SIK3: variants seen among roughly 807,000 people sequenced by gnomAD.
SIK3 encodes serine/threonine-protein kinase SIK3.
A neutral mutation model predicts 144.2 loss-of-function variants in SIK3; 28 were observed. That is an observed-to-expected ratio of 0.19 (90% CI 0.14 to 0.27). SIK3 has a LOEUF of 0.27. Among genes scored for constraint, SIK3 ranks in the 10% least tolerant of loss-of-function variants. The probability of loss-of-function intolerance (pLI) is 1.00; values close to 1 mark genes in which losing one functional copy is unlikely to be tolerated. For missense variants in SIK3, 1,319 were observed against 1,776.0 expected, an observed-to-expected ratio of 0.74 and a Z score of 4.62; for synonymous variants, 686 against 676.3, an observed-to-expected ratio of 1.01 and a Z score of -0.22.
At chr11:116,954,983 A>C (rs1007506721) in intron 2 of SIK3, among the ~76,000 whole-genome samples, 1 of 152,244 alleles carries the variant, frequency 6.6e-6, no homozygotes, top group Non-Finnish European at 1.5e-5. Flanking sequence ...GAAAAGGTGA[A>C]GATAATTCTA....
chr11:117,067,503 T>C (rs775075331), intron 1 of SIK3, among the ~76,000 whole-genome samples: 1 of 152,162 alleles, frequency 6.6e-6, no homozygotes, highest in Non-Finnish European at 1.5e-5. Context: ...ATCAGTGGTT[T>C]TCTGGAAGTG....
chr11:117,058,755 G>A (rs1052149771), intron 1 of SIK3, among the ~76,000 whole-genome samples: 6 of 152,118 alleles, frequency 3.9e-5, no homozygotes, highest in Admixed American at 2.0e-4. Flanking sequence ...AACTACTAAA[G>A]AGAATAATAA....
chr11:117,010,057 A>C (rs1432616866), intron 1 of SIK3, among the ~76,000 whole-genome samples: 2 of 152,046 alleles, frequency 1.3e-5, no homozygotes, highest in African/African-American at 4.8e-5. Flanking sequence ...CATGGAGAAA[A>C]GGGTCACATG....
At chr11:116,924,051 G>A (rs1379700765) in intron 4 of SIK3, among the ~76,000 whole-genome samples, 1 of 152,148 alleles carries the variant, frequency 6.6e-6, no homozygotes, top group Non-Finnish European at 1.5e-5. Flanking sequence ...GGAGGCTGAG[G>A]CGGGTGGATC....
At chr11:117,037,768 G>T (rs1278313594) in intron 1 of SIK3, among the ~76,000 whole-genome samples, 1 of 150,170 alleles carries the variant, frequency 6.7e-6, no homozygotes, top group Non-Finnish European at 1.5e-5. Context: ...GAAAAAAAGA[G>T]ATGATAATCC....
intron 1 of SIK3, among the ~76,000 whole-genome samples, chr11:117,059,189 A>G (rs1380948129): frequency 6.6e-6 from 1 of 152,228 alleles, no homozygotes; most frequent in African/African-American, 2.4e-5. Flanking sequence ...AAGTGGAAGA[A>G]CAGATAGCTG....
At chr11:116,877,135 C>G in intron 6 of SIK3, 93 bp from the exon 7 acceptor site, 1 of 1,005,238 alleles carries the variant, frequency 9.9e-7, no homozygotes, top group South Asian at 1.3e-5. Context: ...GGGAGGCTAT[C>G]CAACTCCCTG....
At chr11:117,087,446 A>G (rs1955065599) in intron 1 of SIK3, among the ~76,000 whole-genome samples, 1 of 152,044 alleles carries the variant, frequency 6.6e-6, no homozygotes, top group Non-Finnish European at 1.5e-5. Flanking sequence ...CTGCCTCAAA[A>G]AAAGGTTAGA....
At position 116,868,084 on chromosome 11, in the gene SIK3, A is replaced by C. The variant is rs917224879; in HGVS notation, c.1814T>G (p.Leu605Trp). The C allele has an allele frequency of 1.3e-6, 2 of 1,550,638 alleles. No individual in the cohort carries two copies. The highest frequency in any genetic ancestry group is 1.7e-6 in the Non-Finnish European group (2 of 1,147,002). The change falls in exon 15 of 25, where the codon TTG (leucine) becomes TGG (tryptophan). Residue 605 changes from leucine (L) to tryptophan (W), a missense_variant. By Grantham distance (61) the Leu-to-Trp change is moderately conservative (BLOSUM62 -2). Around this residue, in one of 8 missense-constraint regions of SIK3, gnomAD observed 167 missense variants for 263.3 expected, o/e 0.63. Transcript: ENST00000445177. Reference protein sequence around the residue: ...EPDQEAVQRYLANRSKRHTLA... With the variant: ...EPDQEAVQRYWANRSKRHTLA... ...TGTATGTCTTTTGGACCTATTTGCC[A>C]AGTACCTGCAACAAGCAGGAGCACA... is the stretch of plus-strand genomic sequence containing the variant.
chr11:116,905,313 T>C (rs762974300), intron 4 of SIK3, among the ~76,000 whole-genome samples: 1 of 152,260 alleles, frequency 6.6e-6, no homozygotes, highest in Admixed American at 6.5e-5. Context: ...CTGAATAACA[T>C]CCATGGTATG....
At chr11:117,032,351 T>C (rs1355299981) in intron 1 of SIK3, among the ~76,000 whole-genome samples, 2 of 152,236 alleles carry the variant, frequency 1.3e-5, no homozygotes, top group Non-Finnish European at 2.9e-5. Context: ...CATTTTGCAG[T>C]TTTCAGTATA....
Position 116,846,606 on chromosome 11 carries a change from G to C in SIK3, c.3953-53C>G. 6.2e-7 allele frequency: 1 copy of C among 1,603,090 alleles called. No homozygotes were observed. The highest frequency in any genetic ancestry group is 1.1e-5 in the South Asian group (1 of 90,266). On this transcript the variant is annotated intron_variant, in intron 23 of 24. Coordinates refer to ENST00000445177, the MANE Select transcript of SIK3 (RefSeq NM_001366686.3). This position sits in a 1 kb window ranked among gnomAD's most constrained non-coding sequence, Gnocchi z 4.1. ...TTGGCAGGGAACTGGGGGACTAGGAGAGCAAGGGGGAGAGAGAGGAGGAAT... is the reference window on the plus strand; with the variant it reads ...TTGGCAGGGAACTGGGGGACTAGGACAGCAAGGGGGAGAGAGAGGAGGAAT...
chr11:116,948,746 T>A (rs1156363951), intron 3 of SIK3, among the ~76,000 whole-genome samples: 3 of 152,216 alleles, frequency 2.0e-5, no homozygotes, highest in African/African-American at 7.2e-5. Flanking sequence ...TATCCTCTAT[T>A]GTTTTTCTAT....
At chr11:117,013,915 G>GGGTGTGT (rs1206309055) in intron 1 of SIK3, among the ~76,000 whole-genome samples, 1 of 23,618 alleles carries the variant, frequency 4.2e-5, no homozygotes, top group African/African-American at 8.7e-5. Context: ...GGGGGGGGAG[G>GGGTGTGT]GTGTGTGTGT....
intron 6 of SIK3, among the ~76,000 whole-genome samples, chr11:116,877,983 G>T (rs997621897): frequency 6.6e-6 from 1 of 152,156 alleles, no homozygotes; most frequent in Non-Finnish European, 1.5e-5. Flanking sequence ...GCACAGGGAG[G>T]TAAAGAAACT....
At chr11:116,972,262 A>G (rs568251809) in intron 1 of SIK3, among the ~76,000 whole-genome samples, 1 of 152,306 alleles carries the variant, frequency 6.6e-6, no homozygotes, top group South Asian at 2.1e-4. Flanking sequence ...TCGAAGCCAG[A>G]CAGTCGAGCT....
In SIK3 at chr11:116,876,026, G is replaced by A; in HGVS notation, c.1096-17C>T. The A allele has an allele frequency of 6.2e-7, 1 of 1,613,136 alleles. No homozygotes were observed. Among genetic ancestry groups the A allele is most frequent in the Non-Finnish European group, 8.5e-7 (1 of 1,179,828 alleles). On this transcript the variant is annotated splice_polypyrimidine_tract_variant and intron_variant, in intron 8 of 24. Coordinates refer to ENST00000445177, the MANE Select transcript of SIK3 (RefSeq NM_001366686.3). ...TCTTAATGACTACCAAGAGAGAAGG[G>A]AAAAGAGTACAAAACCCTGGTGAAA...
chr11:116,949,566 T>C (rs1255259615), intron 3 of SIK3, among the ~76,000 whole-genome samples: 1 of 152,218 alleles, frequency 6.6e-6, no homozygotes, highest in Non-Finnish European at 1.5e-5. Flanking sequence ...TATGCTGACC[T>C]CCAACTCCTA....
Position 117,096,223 on chromosome 11 carries a change from G to A in SIK3, c.273+1920C>T, listed in dbSNP as rs77999065. ...TTTACGAAAACATTCAACCCTGTCTGTAACAGATTTTATCAATATTTTGGT... is the reference window on the plus strand; with the variant it reads ...TTTACGAAAACATTCAACCCTGTCTATAACAGATTTTATCAATATTTTGGT... On this transcript the variant is annotated intron_variant, in intron 1 of 24. Transcript: ENST00000445177. Among the ~76,000 whole-genome samples, 1,038 of 152,252 alleles carry A rather than the reference G, an allele frequency of 6.8e-3. 12 individuals are homozygous for A. The highest frequency in any genetic ancestry group is 0.024 in the African/African-American group (982 of 41,544).
Sources: gnomAD v4.1 joint callset for allele counts (sites outside exome capture counted in the v4.1 genomes callset) on GRCh38, gnomAD v4.1.1 for gene constraint, gnomAD v4.1.1 regional missense constraint, Gnocchi (gnomAD v3.1) non-coding constraint, MANE v1.5 for transcripts, NCBI Gene and HGNC (gene_info 2026-07-23, HGNC 2026-07-21) for gene names.